The following TLK2 variants were observed in gnomAD, a reference collection of about 807,000 sequenced individuals.
The protein encoded by TLK2 is serine/threonine-protein kinase tousled-like 2.
TLK2 carries 6 observed loss-of-function variants against 117.3 expected under a neutral mutation model. The ratio of observed to expected loss-of-function variants is 0.05; its 90% CI spans 0.03 to 0.10. The LOEUF (loss-of-function observed/expected upper bound fraction) is 0.10, where lower values mean the gene tolerates loss of function less well. Among genes scored for constraint, TLK2 ranks in the 10% least tolerant of loss-of-function variants. The pLI is 1.00. For synonymous variants in TLK2, 257 were observed against 316.7 expected, an observed-to-expected ratio of 0.81 and a Z score of 2.00; for missense variants, 299 against 901.2, an observed-to-expected ratio of 0.33 and a Z score of 8.56.
chr17:62,487,645 C>T (rs558655227), intron 2 of TLK2, among the ~76,000 whole-genome samples: 93 of 72,158 alleles, frequency 1.3e-3, no homozygotes, highest in Non-Finnish European at 2.0e-3. Context: ...TTTTTTGAGA[C>T]GGAGTTTCAC....
At chr17:62,596,323 C>A (rs2082477670) in intron 16 of TLK2, among the ~76,000 whole-genome samples, 1 of 152,196 alleles carries the variant, frequency 6.6e-6, no homozygotes, top group Admixed American at 6.5e-5. Context: ...ATCCACCTGC[C>A]TCGGCCTCCC....
intron 19 of TLK2, among the ~76,000 whole-genome samples, chr17:62,604,773 G>C (rs2083146023): frequency 6.6e-6 from 1 of 151,738 alleles, no homozygotes; most frequent in Admixed American, 6.6e-5. Context: ...GCTGGGCGTG[G>C]TGGTGCACGC....
chr17:62,579,686 C>T (rs953637739), intron 14 of TLK2, among the ~76,000 whole-genome samples: 1 of 152,128 alleles, frequency 6.6e-6, no homozygotes, highest in African/African-American at 2.4e-5. Flanking sequence ...AAAATCAAAT[C>T]TGTTTTTAAG....
intron 9 of TLK2, among the ~76,000 whole-genome samples, chr17:62,559,548 T>C (rs1427474072): frequency 6.6e-6 from 1 of 152,050 alleles, no homozygotes; most frequent in Non-Finnish European, 1.5e-5. Flanking sequence ...TGGCTAATTT[T>C]TTTATATTTA....
chr17:62,596,746 C>G, intron 17 of TLK2, 72 bp downstream of exon 17: 1 of 1,345,482 alleles, frequency 7.4e-7, no homozygotes, highest in South Asian at 1.2e-5. Context: ...TGGAATAGAG[C>G]TGAACTCTGG....
At chr17:62,511,150 G>C (rs2075112184) in intron 2 of TLK2, among the ~76,000 whole-genome samples, 2 of 152,092 alleles carry the variant, frequency 1.3e-5, no homozygotes, top group African/African-American at 4.8e-5. Flanking sequence ...AATCATTTGT[G>C]TGTGTGTATT....
chr17:62,525,293 A>T (rs984634607), intron 6 of TLK2, among the ~76,000 whole-genome samples: 2 of 152,188 alleles, frequency 1.3e-5, no homozygotes, highest in Non-Finnish European at 2.9e-5. Context: ...GTATTGTTAA[A>T]GTATTTTAAA....
intron 15 of TLK2, among the ~76,000 whole-genome samples, chr17:62,585,317 G>T (rs945850474): frequency 1.3e-5 from 2 of 152,220 alleles, no homozygotes; most frequent in African/African-American, 4.8e-5. Flanking sequence ...CCGAAGCGGG[G>T]CGGATCGCCT....
chr17:62,479,118 C>T lies in TLK2; in HGVS notation c.-178C>T, dbSNP rs1395814739. ...TCGTGCCCCCCCTCCCCCGCCCGCC[C>T]TCTCGTGGAGCCCGGCGCCGGCGGC... On this transcript the variant is annotated 5_prime_UTR_variant, in exon 1 of 22. Coordinates refer to ENST00000346027, the MANE Select transcript of TLK2 (RefSeq NM_006852.6). 1 of 150,422 alleles carries T rather than the reference C, an allele frequency of 6.6e-6. No homozygotes were observed. The highest frequency in any genetic ancestry group is 1.5e-5 in the Non-Finnish European group (1 of 67,408). 9.3% of individuals were successfully genotyped at this position (150,422 alleles called of 1,614,324 possible).
intron 2 of TLK2, among the ~76,000 whole-genome samples, chr17:62,505,794 T>C (rs910275011): frequency 6.6e-6 from 1 of 152,140 alleles, no homozygotes; most frequent in Non-Finnish European, 1.5e-5. Flanking sequence ...TGGGCTCAAT[T>C]GATCTTCCTA....
intron 19 of TLK2, among the ~76,000 whole-genome samples, chr17:62,605,900 G>C (rs1279360068): frequency 6.7e-6 from 1 of 149,872 alleles, no homozygotes; most frequent in Non-Finnish European, 1.5e-5. Flanking sequence ...CCAGCTACTT[G>C]GGAGGCTGAG....
chr17:62,560,661 ATTTT>A (rs550051831), intron 10 of TLK2, among the ~76,000 whole-genome samples: 1 of 140,336 alleles, frequency 7.1e-6, no homozygotes, highest in Admixed American at 7.2e-5. Context: ...AACTATTAGA[ATTTT>A]TTTTTTTTTT....
chr17:62,528,110 G>A (rs1392726717), intron 6 of TLK2, among the ~76,000 whole-genome samples: 1 of 152,078 alleles, frequency 6.6e-6, no homozygotes, highest in African/African-American at 2.4e-5. Flanking sequence ...GTTACATAAA[G>A]GTGTAATTTT....
In TLK2 at chr17:62,536,301, G is replaced by A. The variant is rs766713570; in HGVS notation, c.495G>A (p.Ala165=). ...AKPRLDTEQL[A]QRGAGLCFTF... Reference sequence around the variant, plus strand: ...CTCGGCTTGACACAGAGCAGCTGGCGCAAAGGGGAGCTGGCCTCTGCTTCA... The same window carrying A: ...CTCGGCTTGACACAGAGCAGCTGGCACAAAGGGGAGCTGGCCTCTGCTTCA... The change falls in exon 7 of 22, where the codon GCG becomes GCA. Residue 165 remains alanine, a synonymous_variant. Coordinates refer to ENST00000346027, the MANE Select transcript of TLK2 (RefSeq NM_006852.6). 38 of 1,612,880 alleles carry A rather than the reference G, an allele frequency of 2.4e-5. No individual in the cohort carries two copies. Among genetic ancestry groups the A allele is most frequent in the African/African-American group, 1.7e-4 (13 of 74,916 alleles).
chr17:62,473,273 A>C (rs544259472), intron 1 of TLK2, among the ~76,000 whole-genome samples: 3 of 152,066 alleles, frequency 2.0e-5, no homozygotes, highest in Non-Finnish European at 2.9e-5. Flanking sequence ...TTCATCTTCT[A>C]TCTATGGCTT....
At chr17:62,583,738 C>T (rs1305436922) in intron 15 of TLK2, among the ~76,000 whole-genome samples, 3 of 151,844 alleles carry the variant, frequency 2.0e-5, no homozygotes, top group South Asian at 2.1e-4. Context: ...ACCCCACACC[C>T]GGATAATTTT....
upstream of TLK2, among the ~76,000 whole-genome samples, chr17:62,475,904 A>G (rs2071032006): frequency 7.0e-6 from 1 of 142,096 alleles, no homozygotes; most frequent in South Asian, 2.3e-4. Context: ...CTCATGATCC[A>G]CCGCCTCGGC....
intron 2 of TLK2, among the ~76,000 whole-genome samples, chr17:62,485,732 C>G (rs1020067749): frequency 3.7e-4 from 56 of 152,046 alleles, no homozygotes; most frequent in African/African-American, 1.3e-3. Flanking sequence ...TCTAGCTGCC[C>G]CTTTTTAGGA....
Position 62,586,115 on chromosome 17 carries a change from A to G in TLK2, c.1369-20A>G, listed in dbSNP as rs1386009815. 1.3e-6 allele frequency: 2 copies of G among 1,580,976 alleles called. No homozygotes were observed. Among genetic ancestry groups the G allele is most frequent in the African/African-American group, 1.4e-5 (1 of 73,524 alleles). ...ATTTTTCTTAACATTTACCCAGTAT[A>G]TAATTTATTCTCTTTATAGGCATTT... is the stretch of plus-strand genomic sequence containing the variant. On this transcript the variant is annotated intron_variant, in intron 15 of 21. Transcript: ENST00000346027.
Sources: gnomAD v4.1 joint callset for allele counts (sites outside exome capture counted in the v4.1 genomes callset) on GRCh38, gnomAD v4.1.1 for gene constraint, MANE v1.5 for transcripts, NCBI Gene and HGNC (gene_info 2026-07-23, HGNC 2026-07-21) for gene names.